Variants in RAI1 observed in about 807,000 individuals in gnomAD.
The protein encoded by RAI1 is retinoic acid-induced protein 1.
A neutral mutation model predicts 123.8 loss-of-function variants in RAI1; 9 were observed. That is an observed-to-expected ratio of 0.07 (90% CI 0.04 to 0.13). The LOEUF is 0.13. Ranked by LOEUF, RAI1 falls within the 10% of genes least tolerant of loss-of-function variation. RAI1 has a pLI of 1.00. For synonymous variants in RAI1, 1,231 were observed against 1,127.3 expected (o/e 1.09, Z -1.84); for missense variants, 2,256 against 2,545.8 (o/e 0.89, Z 2.45).
At chr17:17,728,649 A>G (rs182289479) in intron 2 of RAI1, among the ~76,000 whole-genome samples, 192 of 152,268 alleles carry the variant, frequency 1.3e-3, no homozygotes, top group Non-Finnish European at 2.0e-3. Context: ...GGTCTCTGAG[A>G]TCCCAGGAGT....
chr17:17,729,746 T>C (rs1334126136), intron 2 of RAI1, among the ~76,000 whole-genome samples: 1 of 152,248 alleles, frequency 6.6e-6, no homozygotes, highest in Admixed American at 6.5e-5. Flanking sequence ...GCCACAGGCC[T>C]TGGGTTTGCT....
intron 2 of RAI1, among the ~76,000 whole-genome samples, chr17:17,775,548 C>CACACATTTTGT: frequency 1.9e-5 from 1 of 51,550 alleles, no homozygotes; most frequent in Non-Finnish European, 5.6e-5. Context: ...ACACATTTTG[C>CACACATTTTGT]ATGTTATATG....
At chr17:17,745,007 C>T (rs1302294944) in intron 2 of RAI1, among the ~76,000 whole-genome samples, 1 of 152,084 alleles carries the variant, frequency 6.6e-6, no homozygotes, top group Non-Finnish European at 1.5e-5. Flanking sequence ...GTTAGGGGCT[C>T]TCACAGTCCT....
chr17:17,748,341 A>G (rs1212251037), intron 2 of RAI1, among the ~76,000 whole-genome samples: 1 of 152,226 alleles, frequency 6.6e-6, no homozygotes, highest in Admixed American at 6.5e-5. Flanking sequence ...ACTCAAATGC[A>G]TGGAGAAGGG....
intron 2 of RAI1, among the ~76,000 whole-genome samples, chr17:17,785,029 C>T (rs1354367890): frequency 6.6e-6 from 1 of 152,200 alleles, no homozygotes; most frequent in East Asian, 1.9e-4. Flanking sequence ...CTGGGTGTCA[C>T]TACATCTCAA....
At chr17:17,755,841 G>A (rs1187852178) in intron 2 of RAI1, among the ~76,000 whole-genome samples, 2 of 152,164 alleles carry the variant, frequency 1.3e-5, no homozygotes, top group African/African-American at 4.8e-5. Context: ...TTCACCCCAA[G>A]GCCTGCCGTG....
In RAI1 at chr17:17,796,818, A is replaced by T. The variant is rs780369266; in HGVS notation, c.3870A>T (p.Thr1290=). ...CCAAGGGCAATGGCGAGCCTGCCAC[A>T]AAGCTCCCACCCCCGGAGACCCCCG... is the stretch of plus-strand genomic sequence containing the variant. ...KPTKGNGEPA[T]KLPPPETPDA... The change falls in exon 3 of 6, where the codon ACA becomes ACT. Residue 1290 remains threonine, a synonymous_variant. Transcript: ENST00000353383. The surrounding 1 kb of genome is among the most constrained non-coding windows in gnomAD (Gnocchi z 5.8). 1.2e-6 allele frequency: 2 copies of T among 1,610,774 alleles called. No homozygotes were observed. The highest frequency in any genetic ancestry group is 1.7e-6 in the Non-Finnish European group (2 of 1,178,150).
At chr17:17,702,081 T>G (rs1267284897) in intron 1 of RAI1, among the ~76,000 whole-genome samples, 1 of 152,196 alleles carries the variant, frequency 6.6e-6, no homozygotes, top group Non-Finnish European at 1.5e-5. Flanking sequence ...GAAGGATAAG[T>G]GTGAGCTAAT....
chr17:17,682,145 G>GCGTGGGGTGGGGA (rs1302340296), intron 1 of RAI1, among the ~76,000 whole-genome samples: 2 of 150,814 alleles, frequency 1.3e-5, no homozygotes, highest in African/African-American at 4.9e-5. Context: ...TCTTTGCGGA[G>GCGTGGGGTGGGGA]CGTGGGGTGG....
At chr17:17,787,878 C>T (rs1265754225) in intron 2 of RAI1, among the ~76,000 whole-genome samples, 1 of 152,124 alleles carries the variant, frequency 6.6e-6, no homozygotes, top group East Asian at 1.9e-4. Context: ...CTCAGCTGTC[C>T]CCACAGCTGG....
chr17:17,778,912 G>A (rs1366965365), intron 2 of RAI1: 3 of 457,026 alleles, frequency 6.6e-6, no homozygotes, highest in Non-Finnish European at 8.8e-6. Flanking sequence ...GGTGAGGCCT[G>A]AGGGGGCTGG....
intron 2 of RAI1, among the ~76,000 whole-genome samples, chr17:17,730,739 G>T (rs1253765294): frequency 6.6e-6 from 1 of 152,250 alleles, no homozygotes; most frequent in Non-Finnish European, 1.5e-5. Flanking sequence ...CCCTGCCAGG[G>T]CTGAGGTGTC....
At chr17:17,754,331 G>A (rs1248698236) in intron 2 of RAI1, among the ~76,000 whole-genome samples, 3 of 150,876 alleles carry the variant, frequency 2.0e-5, no homozygotes, top group Non-Finnish European at 1.5e-5. Flanking sequence ...CAGCCCCCCG[G>A]GTTCAAGCAA....
intron 2 of RAI1, among the ~76,000 whole-genome samples, chr17:17,783,651 C>T (rs1315195417): frequency 3.9e-5 from 6 of 152,136 alleles, no homozygotes; most frequent in Non-Finnish European, 5.9e-5. Flanking sequence ...CGCGCTGGGG[C>T]GCGCGCCCGC....
At chr17:17,807,662 G>A (rs1433909117) in intron 4 of RAI1, among the ~76,000 whole-genome samples, 3 of 152,256 alleles carry the variant, frequency 2.0e-5, no homozygotes, top group African/African-American at 7.2e-5. Context: ...ATGTGGGGTG[G>A]TGCTGGGGCA....
intron 2 of RAI1, among the ~76,000 whole-genome samples, chr17:17,739,608 C>T (rs73294184): frequency 0.017 from 2,525 of 152,332 alleles, 76 homozygotes; most frequent in African/African-American, 0.058. Flanking sequence ...TCTGTCTCAG[C>T]TCCAGACACC....
intron 2 of RAI1, among the ~76,000 whole-genome samples, chr17:17,770,632 G>T (rs1213347891): frequency 1.3e-5 from 2 of 151,964 alleles, no homozygotes; most frequent in Non-Finnish European, 2.9e-5. Context: ...GGTCCATGGG[G>T]GTGGGTGGGG....
chr17:17,695,347 C>T (rs1184141690), intron 1 of RAI1, among the ~76,000 whole-genome samples: 1 of 151,934 alleles, frequency 6.6e-6, no homozygotes, highest in African/African-American at 2.4e-5. Flanking sequence ...AGTTGGCAGT[C>T]GTTGGACTGT....
At chr17:17,758,352 T>C (rs1304815228) in intron 2 of RAI1, among the ~76,000 whole-genome samples, 1 of 152,124 alleles carries the variant, frequency 6.6e-6, no homozygotes, top group African/African-American at 2.4e-5. Flanking sequence ...CCAGCTGCTT[T>C]TGGTGAGCCC....
Sources: gnomAD v4.1 joint callset for allele counts (sites outside exome capture counted in the v4.1 genomes callset) on GRCh38, gnomAD v4.1.1 for gene constraint, Gnocchi (gnomAD v3.1) non-coding constraint, MANE v1.5 for transcripts, NCBI Gene and HGNC (gene_info 2026-07-23, HGNC 2026-07-21) for gene names.